NIBAN3: variants seen among roughly 807,000 people sequenced by gnomAD.
NIBAN3 encodes protein Niban 3.
Under a neutral mutation model 76.4 loss-of-function variants are expected in NIBAN3, and 66 were observed. The observed-to-expected ratio is 0.86, with a 90% CI of 0.71 to 1.06. The LOEUF (loss-of-function observed/expected upper bound fraction) is 1.06, where lower values mean the gene tolerates loss of function less well. Ranked by LOEUF, NIBAN3 falls within the 50% of genes least tolerant of loss-of-function variation. The pLI is 0.00. For synonymous variants in NIBAN3, 360 were observed against 355.2 expected, an observed-to-expected ratio of 1.01 and a Z score of -0.15; for missense variants, 808 against 810.7, an observed-to-expected ratio of 1.00 and a Z score of 0.04.
upstream of NIBAN3, chr19:17,527,225 G>A (rs1568438911): frequency 6.5e-7 from 1 of 1,548,204 alleles, no homozygotes; most frequent in Non-Finnish European, 8.7e-7. Flanking sequence ...GCAGGGGCGG[G>A]GCCTCTGAAC....
chr19:17,544,276 A>G (rs983123580), intron 12 of NIBAN3, among the ~76,000 whole-genome samples: 7 of 152,346 alleles, frequency 4.6e-5, no homozygotes, highest in Non-Finnish European at 8.8e-5. Context: ...AGCCTGGGCA[A>G]CAGAGCAAGG....
upstream of NIBAN3, among the ~76,000 whole-genome samples, chr19:17,524,955 G>T (rs2075590369): frequency 2.0e-5 from 3 of 152,348 alleles, no homozygotes; most frequent in South Asian, 6.2e-4. Context: ...AAGTCTGGAA[G>T]ATGAGTCTCC....
At chr19:17,554,512 G>A (rs543993725), downstream of NIBAN3, among the ~76,000 whole-genome samples, 1 of 151,572 alleles carries the variant, frequency 6.6e-6, no homozygotes, top group Admixed American at 6.6e-5. Flanking sequence ...AGCTGGGCGC[G>A]GTGGCTCACG....
Position 17,541,083 on chromosome 19 carries a change from T to C in NIBAN3, c.1170+501T>C, listed in dbSNP as rs144568477. Among the ~76,000 whole-genome samples, 735 of 152,194 alleles carry C rather than the reference T, an allele frequency of 4.8e-3. 3 individuals are homozygous for C. The highest frequency in any genetic ancestry group is 0.017 in the African/African-American group (693 of 41,524). On this transcript the variant is annotated intron_variant, in intron 9 of 14. Coordinates refer to ENST00000599164, the MANE Select transcript of NIBAN3 (RefSeq NM_001321827.2). ...GGGGAAAGGAGTTGGATGAGAAAAG[T>C]GGCAATTTAGCAAAATCAGTCTGAG...
downstream of NIBAN3, among the ~76,000 whole-genome samples, chr19:17,554,114 TC>T (rs1186966126): frequency 1.3e-5 from 2 of 152,232 alleles, no homozygotes; most frequent in African/African-American, 4.8e-5. Flanking sequence ...CCTCAAGTGA[TC>T]CGCCTGCCTC....
At chr19:17,530,947 C>T (rs1206666769) in intron 2 of NIBAN3, 62 bp downstream of exon 2, 21 of 1,548,294 alleles carry the variant, frequency 1.4e-5, no homozygotes, top group Non-Finnish European at 1.5e-5. Context: ...GGAGCCCTCC[C>T]TAGGCCATGC....
chr19:17,553,854 T>A (rs1040731182), downstream of NIBAN3: 4 of 246,654 alleles, frequency 1.6e-5, no homozygotes, highest in African/African-American at 6.8e-5. Flanking sequence ...GTCCACAGAG[T>A]GTAAATTTGT....
intron 12 of NIBAN3, 86 bp downstream of exon 12, chr19:17,543,717 G>A: frequency 8.4e-7 from 1 of 1,184,320 alleles, no homozygotes; most frequent in East Asian, 2.5e-5. Flanking sequence ...TTGAGGCTGG[G>A]CGCAGTGGCT....
intron 12 of NIBAN3, among the ~76,000 whole-genome samples, chr19:17,544,250 C>T (rs901366435): frequency 3.3e-5 from 5 of 152,040 alleles, no homozygotes; most frequent in African/African-American, 9.7e-5. Context: ...GAGCTAGGAT[C>T]GCACCACTGC....
In NIBAN3 at chr19:17,553,614, AC is replaced by A; in HGVS notation, c.*1717del. On this transcript the variant is annotated 3_prime_UTR_variant, in exon 15 of 15. Transcript: ENST00000599164. ...TCCCTCCAACCCCACCTTCCGAAAT[AC>A]ATTTGCTCAATACATTTGCACTTCA... 3 of 1,497,826 alleles carry A rather than the reference AC, an allele frequency of 2.0e-6. No homozygotes were observed. The highest frequency in any genetic ancestry group is 2.8e-6 in the Non-Finnish European group (3 of 1,076,228). The allele number at this position is 1,497,826 out of a possible 1,614,324, so 92.8% of individuals were successfully genotyped here.
intron 1 of NIBAN3, 105 bp downstream of exon 1, chr19:17,527,500 G>T: frequency 8.0e-7 from 1 of 1,242,408 alleles, no homozygotes; most frequent in South Asian, 1.6e-5. Context: ...TCAGACCTAG[G>T]GCTGTCAAAA....
At chr19:17,541,514 G>A (rs1213032961) in intron 9 of NIBAN3, among the ~76,000 whole-genome samples, 1 of 152,096 alleles carries the variant, frequency 6.6e-6, no homozygotes, top group African/African-American at 2.4e-5. Flanking sequence ...AGCACAGACA[G>A]AACATGAGAT....
intron 5 of NIBAN3, among the ~76,000 whole-genome samples, chr19:17,538,711 G>A (rs2075872866): frequency 7.3e-6 from 1 of 137,848 alleles, no homozygotes; most frequent in Non-Finnish European, 1.5e-5. Context: ...AAAGAAAGGA[G>A]AAAGAAAGAA....
intron 3 of NIBAN3, among the ~76,000 whole-genome samples, chr19:17,532,673 C>T (rs939198128): frequency 1.3e-5 from 2 of 152,212 alleles, no homozygotes; most frequent in Non-Finnish European, 2.9e-5. Context: ...CCTCTGGCCG[C>T]TCTGCTTTCT....
intron 5 of NIBAN3, among the ~76,000 whole-genome samples, chr19:17,538,728 A>G (rs1355828294): frequency 1.5e-5 from 1 of 64,784 alleles, no homozygotes; most frequent in African/African-American, 6.2e-5. Context: ...AGAAGAAAGA[A>G]AGCAAGAAAG....
In NIBAN3 at chr19:17,546,739, C is replaced by T. The variant is rs1313959351; in HGVS notation, c.1608C>T (p.Thr536=). ...DVLAVGSQAL[T]TEGIYEDVIR... ...TTGCCGTGGGCAGCCAGGCTCTGAC[C>T]ACTGAGGGCATCTATGAGGACGTCA... The change falls in exon 13 of 15, where the codon ACC becomes ACT. Residue 536 remains threonine, a synonymous_variant. Coordinates refer to ENST00000599164, the MANE Select transcript of NIBAN3 (RefSeq NM_001321827.2). The T allele has an allele frequency of 6.2e-7, 1 of 1,605,878 alleles. No homozygotes were observed. The highest frequency in any genetic ancestry group is 1.7e-5 in the Admixed American group (1 of 58,536).
chr19:17,539,287 A>T, intron 6 of NIBAN3, 22 bp downstream of exon 6: 1 of 1,575,358 alleles, frequency 6.3e-7, no homozygotes, highest in South Asian at 1.2e-5. Flanking sequence ...GCGAGGCCGC[A>T]CCCGGGACCC....
chr19:17,542,307 G>A lies in NIBAN3; in HGVS notation c.1329+13G>A. On this transcript the variant is annotated intron_variant, in intron 10 of 14. Coordinates refer to ENST00000599164, the MANE Select transcript of NIBAN3 (RefSeq NM_001321827.2). This position sits in a 1 kb window ranked among gnomAD's most constrained non-coding sequence, Gnocchi z 4.8. ...TCTTGCACAGCAGGTGAGGGTGAGA[G>A]GAGGCTGGGATGAGGCCAGGCTGTG... The A allele has an allele frequency of 1.3e-6, 2 of 1,592,624 alleles. No homozygotes were observed. The highest frequency in any genetic ancestry group is 1.7e-6 in the Non-Finnish European group (2 of 1,169,472).
At chr19:17,548,350 G>A (rs1302172824) in intron 13 of NIBAN3, among the ~76,000 whole-genome samples, 1 of 152,170 alleles carries the variant, frequency 6.6e-6, no homozygotes, top group African/African-American at 2.4e-5. Flanking sequence ...GGGAGCCATG[G>A]AGGGTGTGTG....
Sources: gnomAD v4.1 joint callset for allele counts (sites outside exome capture counted in the v4.1 genomes callset) on GRCh38, gnomAD v4.1.1 for gene constraint, Gnocchi (gnomAD v3.1) non-coding constraint, MANE v1.5 for transcripts, NCBI Gene and HGNC (gene_info 2026-07-23, HGNC 2026-07-21) for gene names.